The following MARK4 variants were observed in gnomAD, a reference collection of about 807,000 sequenced individuals.
The protein encoded by MARK4 is MAP/microtubule affinity-regulating kinase 4.
MARK4 carries 19 observed loss-of-function variants against 81.5 expected under a neutral mutation model. That is an observed-to-expected ratio of 0.23 (90% confidence interval 0.16 to 0.34). The LOEUF (loss-of-function observed/expected upper bound fraction) is 0.34, where lower values mean the gene tolerates loss of function less well. MARK4 is among the 10% of genes least tolerant of loss of function. The probability of loss-of-function intolerance (pLI) is 1.00; values close to 1 mark genes in which losing one functional copy is unlikely to be tolerated. For synonymous variants in MARK4, 436 were observed against 439.0 expected (o/e 0.99, Z 0.08); for missense variants, 772 against 1,058.8 (o/e 0.73, Z 3.76).
intron 1 of MARK4, among the ~76,000 whole-genome samples, chr19:45,252,577 C>G (rs773369500): frequency 1.2e-4 from 18 of 152,058 alleles, no homozygotes; most frequent in Admixed American, 3.3e-4. Flanking sequence ...GGGCCTCCCC[C>G]TTCCTTGCTG....
At chr19:45,301,422 G>C (rs985837736) in intron 16 of MARK4, among the ~76,000 whole-genome samples, 2 of 151,950 alleles carry the variant, frequency 1.3e-5, no homozygotes, top group Admixed American at 6.6e-5. Flanking sequence ...AAATTAGCTG[G>C]CCGTGGTGCC....
At chr19:45,265,299 C>T (rs1420574891) in intron 6 of MARK4, among the ~76,000 whole-genome samples, 1 of 151,684 alleles carries the variant, frequency 6.6e-6, no homozygotes, top group African/African-American at 2.4e-5. Flanking sequence ...TGTGGGTGCC[C>T]AGGTATGTAG....
rs1469332494 is a variant in MARK4, at chr19:45,264,914, GGGGCAGGGCTGA to G, written c.492+8_492+19del. 1 of 1,613,924 alleles carries G rather than the reference GGGGCAGGGCTGA, an allele frequency of 6.2e-7. No homozygotes were observed. The highest frequency in any genetic ancestry group is 8.5e-7 in the Non-Finnish European group (1 of 1,179,968). The stretch of plus-strand genomic sequence containing the variant: ...AGCTCGAGCCAAGTTCCGACAGGTT[GGGGCAGGGCTGA>G]GGGTGGGGCTGACTGGGTGCCTGGG... On this transcript the variant is annotated splice_donor_5th_base_variant and intron_variant, in intron 6 of 16. Transcript: ENST00000262891.
intron 12 of MARK4, among the ~76,000 whole-genome samples, chr19:45,286,899 A>G (rs1473017353): frequency 6.6e-6 from 1 of 152,156 alleles, no homozygotes; most frequent in Non-Finnish European, 1.5e-5. Context: ...TGCCTTTTCT[A>G]CTTTCCAGTC....
chr19:45,270,013 A>T lies in MARK4; in HGVS notation c.550-1459A>T, dbSNP rs527867083. ...TGGCTAATTTTTGTATTTTCAGTAG[A>T]GACAGGGTTTTACCATGTTGCCCAA... On this transcript the variant is annotated intron_variant, in intron 7 of 16. Transcript: ENST00000262891. Among the ~76,000 whole-genome samples, 3 of 152,150 alleles carry T rather than the reference A, an allele frequency of 2.0e-5. No homozygotes were observed. The South Asian group carries it at 6.2e-4, about 32-fold the overall frequency.
In MARK4 at chr19:45,287,520, G is replaced by A. The variant is rs1474194945; in HGVS notation, c.1350G>A (p.Glu450=). 1.3e-6 allele frequency: 2 copies of A among 1,558,034 alleles called. No individual in the cohort carries two copies. The highest frequency in any genetic ancestry group is 1.4e-5 in the African/African-American group (1 of 73,958). Reference sequence around the variant, plus strand: ...CGGGGGAGGCGGAGCTGAAGGAGGAGCGGCTGCCAGGCCGGAAGGCGAGCT... The same window carrying A: ...CGGGGGAGGCGGAGCTGAAGGAGGAACGGCTGCCAGGCCGGAAGGCGAGCT... ...TSTGEAELKE[E]RLPGRKASCS... is the part of the protein sequence containing the mutation. Residue 450 remains glutamate (E), a synonymous_variant, in exon 13 of 17, where the codon GAG becomes GAA. Coordinates refer to ENST00000262891, the MANE Select transcript of MARK4 (RefSeq NM_001199867.2).
rs1970233531 is a variant in MARK4 at position 45,251,275 on chromosome 19, C to T, written c.-314C>T. 1.4e-5 allele frequency: 2 copies of T among 144,282 alleles called. No individual in the cohort carries two copies. The highest frequency in any genetic ancestry group is 1.5e-5 in the Non-Finnish European group (1 of 65,274). The allele number at this position is 144,282 out of a possible 1,614,324, so 8.9% of individuals were successfully genotyped here. A position where few individuals can be genotyped will look rare whatever the true frequency, so the allele number is the denominator to read the frequency against. On this transcript the variant is annotated 5_prime_UTR_variant, in exon 1 of 17. Coordinates refer to ENST00000262891, the MANE Select transcript of MARK4 (RefSeq NM_001199867.2). ...CCCTCCCCCTGACGTCCCTTCCTCCCTCCCCAGCCCCTCCACCGCCTCCCT... is the reference window on the plus strand; with the variant it reads ...CCCTCCCCCTGACGTCCCTTCCTCCTTCCCCAGCCCCTCCACCGCCTCCCT...
rs774164002 is a variant in MARK4 at position 45,277,997 on chromosome 19, G to A, written c.861G>A (p.Leu287=). ...TGTCAACAGACTGTGAGAGCATCCT[G>A]CGGAGATTTTTGGTGCTGAACCCAG... The part of the protein sequence containing the change: ...FYMSTDCESI[L]RRFLVLNPAK... The change falls in exon 9 of 17, where the codon CTG becomes CTA. Residue 287 remains leucine, a synonymous_variant. Transcript: ENST00000262891. 1.9e-6 allele frequency: 3 copies of A among 1,613,934 alleles called. No individual in the cohort carries two copies. The highest frequency in any genetic ancestry group is 2.5e-6 in the Non-Finnish European group (3 of 1,179,992).
intron 7 of MARK4, among the ~76,000 whole-genome samples, chr19:45,267,322 G>C (rs762530662): frequency 6.6e-6 from 1 of 152,148 alleles, no homozygotes; most frequent in Admixed American, 6.6e-5. Flanking sequence ...GTCTCCTAGA[G>C]TGCTGGGATT....
At chr19:45,300,139 G>A (rs1785609173) in intron 16 of MARK4, among the ~76,000 whole-genome samples, 1 of 152,056 alleles carries the variant, frequency 6.6e-6, no homozygotes. Context: ...ACCTGAGGTC[G>A]GGAGTTTGAG....
rs770994443 is a variant in MARK4 at position 45,271,714 on chromosome 19, G to C, written c.786+6G>C. ...TCGACGGGCACAACCTCAAGGTACC[G>C]AGAGGGGCTGGGTGCAGGGGCATCA... is the stretch of plus-strand genomic sequence containing the variant. On this transcript the variant is annotated splice_donor_region_variant and intron_variant, in intron 8 of 16. Coordinates refer to ENST00000262891, the MANE Select transcript of MARK4 (RefSeq NM_001199867.2). The surrounding 1 kb of genome is among the most constrained non-coding windows in gnomAD (Gnocchi z 4.1). 2 of 1,613,192 alleles carry C rather than the reference G, an allele frequency of 1.2e-6. No homozygotes were observed. The highest frequency in any genetic ancestry group is 1.7e-6 in the Non-Finnish European group (2 of 1,179,522).
chr19:45,277,024 G>A (rs1175208914), intron 8 of MARK4, among the ~76,000 whole-genome samples: 1 of 151,988 alleles, frequency 6.6e-6, no homozygotes, highest in Non-Finnish European at 1.5e-5. Context: ...GGAGACCGAG[G>A]CCCCAGTGGC....
At position 45,251,394 on chromosome 19, in the gene MARK4, G is replaced by T; in HGVS notation, c.-195G>T. 1 of 141,184 alleles carries T rather than the reference G, an allele frequency of 7.1e-6. No homozygotes were observed. The highest frequency in any genetic ancestry group is 1.7e-4 in the South Asian group (1 of 5,978). The allele number at this position is 141,184 out of a possible 1,614,324, so 8.7% of individuals were successfully genotyped here. ...ATGGCGCCCGGGGTCCCCGCTGCAC[G>T]GGGCCACTAGGACCCTCGGCGTCCC... On this transcript the variant is annotated 5_prime_UTR_variant, in exon 1 of 17. Transcript: ENST00000262891.
Position 45,303,408 on chromosome 19 carries a change from G to A in MARK4, c.*698G>A. ...GGATTTTCCTTCCCTGCCCTCACCTGCAAATGAGTTAAAGAAGAGGCGTGG... is the reference window on the plus strand; with the variant it reads ...GGATTTTCCTTCCCTGCCCTCACCTACAAATGAGTTAAAGAAGAGGCGTGG... On this transcript the variant is annotated 3_prime_UTR_variant, in exon 17 of 17. Transcript: ENST00000262891. The A allele has an allele frequency of 6.6e-6, 1 of 152,262 alleles. No homozygotes were observed. The highest frequency in any genetic ancestry group is 6.5e-5 in the Admixed American group (1 of 15,274). The allele number at this position is 152,262 out of a possible 1,614,324, so 9.4% of individuals were successfully genotyped here.
At chr19:45,301,558 A>C (rs12975255) in intron 16 of MARK4, among the ~76,000 whole-genome samples, 1 of 23,960 alleles carries the variant, frequency 4.2e-5, no homozygotes, top group South Asian at 1.1e-3. Context: ...ACTCTGTCTC[A>C]AAAAAAAAAA....
intron 8 of MARK4, among the ~76,000 whole-genome samples, chr19:45,275,634 T>C (rs1970588391): frequency 2.6e-5 from 4 of 152,170 alleles, no homozygotes; most frequent in African/African-American, 9.6e-5. Context: ...CATCACGTGA[T>C]AGGCAGTGTG....
At chr19:45,263,907 T>C (rs1029234701) in intron 4 of MARK4, among the ~76,000 whole-genome samples, 1 of 151,786 alleles carries the variant, frequency 6.6e-6, no homozygotes, top group Non-Finnish European at 1.5e-5. Flanking sequence ...TTGACAAAGA[T>C]GATGCATCCA....
intron 7 of MARK4, among the ~76,000 whole-genome samples, chr19:45,268,232 G>A (rs1970480476): frequency 1.3e-5 from 2 of 152,154 alleles, no homozygotes; most frequent in Admixed American, 6.6e-5. Context: ...CTTGAGCCCA[G>A]AAGTTCGAGA....
chr19:45,258,968 T>C (rs1314395587), intron 1 of MARK4, 21 bp from the exon 2 acceptor site: 2 of 1,609,188 alleles, frequency 1.2e-6, no homozygotes, highest in Middle Eastern at 2.2e-4. Context: ...GGATAGCTCA[T>C]GCTCCATCTC....
Sources: allele counts gnomAD v4.1 joint callset (sites outside exome capture counted in the v4.1 genomes callset), GRCh38; gene constraint gnomAD v4.1.1; non-coding constraint Gnocchi (gnomAD v3.1); transcripts MANE v1.5; gene names NCBI Gene and HGNC (gene_info 2026-07-23, HGNC 2026-07-21).